ADAMTS18: variants seen among roughly 807,000 people sequenced by gnomAD.
ADAMTS18 encodes the protein ADAM metallopeptidase with thrombospondin type 1 motif 18.
Under a neutral mutation model 165.9 loss-of-function variants are expected in ADAMTS18, and 157 were observed. That is an observed-to-expected ratio of 0.95 (90% confidence interval 0.83 to 1.08). The LOEUF (loss-of-function observed/expected upper bound fraction) is 1.08. ADAMTS18 is among the 50% of genes least tolerant of loss of function. ADAMTS18 has a pLI of 0.00. For synonymous variants in ADAMTS18, 782 were observed against 578.2 expected, an observed-to-expected ratio of 1.35 and a Z score of -5.06; for missense variants, 2,040 against 1,534.0, an observed-to-expected ratio of 1.33 and a Z score of -5.51.
chr16:77,390,689 C>CA (rs149079892), intron 3 of ADAMTS18, among the ~76,000 whole-genome samples: 27,206 of 142,436 alleles, frequency 0.19, 3,043 homozygotes, highest in Non-Finnish European at 0.27. Context: ...GACTCCATCT[C>CA]AAAAAAAAAG....
intron 10 of ADAMTS18, among the ~76,000 whole-genome samples, chr16:77,352,579 G>A (rs1156520519): frequency 6.6e-6 from 1 of 152,122 alleles, no homozygotes; most frequent in East Asian, 1.9e-4. Flanking sequence ...CCTTATGTGG[G>A]GCACAGGCTC....
At chr16:77,319,518 T>C (rs992773335) in intron 16 of ADAMTS18, among the ~76,000 whole-genome samples, 1 of 152,192 alleles carries the variant, frequency 6.6e-6, no homozygotes, top group Non-Finnish European at 1.5e-5. Context: ...CTTGGCTCAC[T>C]GCAACTTCCG....
intron 16 of ADAMTS18, among the ~76,000 whole-genome samples, chr16:77,311,173 T>C (rs1186753468): frequency 1.3e-5 from 2 of 152,160 alleles, no homozygotes; most frequent in Non-Finnish European, 2.9e-5. Flanking sequence ...TCTGCTGAAT[T>C]TTACATCATC....
chr16:77,309,170 C>A (rs541383186), intron 16 of ADAMTS18, among the ~76,000 whole-genome samples: 1 of 151,114 alleles, frequency 6.6e-6, no homozygotes, highest in East Asian at 1.9e-4. Flanking sequence ...TATGTGACTG[C>A]TAAATCAATA....
chr16:77,318,056 A>G (rs1407326778), intron 16 of ADAMTS18, among the ~76,000 whole-genome samples: 2 of 152,232 alleles, frequency 1.3e-5, no homozygotes, highest in African/African-American at 2.4e-5. Context: ...ATGTGAATTA[A>G]CATATATAAG....
intron 20 of ADAMTS18, among the ~76,000 whole-genome samples, chr16:77,291,828 G>A (rs762813583): frequency 2.6e-5 from 4 of 152,176 alleles, no homozygotes; most frequent in Non-Finnish European, 5.9e-5. Flanking sequence ...CACACTTACA[G>A]GTCCAGGTCT....
rs769604667 is a variant in ADAMTS18, at chr16:77,293,112, G to C, written c.3153C>G (p.Asn1051Lys). ...AAGAAGCGACCCACTGTAGCCGGCT[G>C]TTCTTGGGGCATCGTCCAAGCACAC... ...EGCVLGRCPK[N>K]SRLQWVASSW... The change falls in exon 20 of 23, where the codon AAC becomes AAG. Residue 1051 changes from asparagine (N) to lysine (K), a missense_variant. Transcript: ENST00000282849. 1.9e-6 allele frequency: 3 copies of C among 1,614,052 alleles called. No individual in the cohort carries two copies. The South Asian group carries it at 3.3e-5, about 18-fold the overall frequency.
intron 3 of ADAMTS18, among the ~76,000 whole-genome samples, chr16:77,389,072 G>T (rs565446831): frequency 5.3e-5 from 8 of 152,298 alleles, no homozygotes; most frequent in African/African-American, 1.9e-4. Context: ...GGCCAAGGTT[G>T]GTGGATAGTT....
intron 22 of ADAMTS18, among the ~76,000 whole-genome samples, chr16:77,287,544 C>T (rs976726079): frequency 6.6e-6 from 1 of 152,086 alleles, no homozygotes; most frequent in Non-Finnish European, 1.5e-5. Flanking sequence ...GTGGTGCAAT[C>T]TCGGGTCACT....
chr16:77,391,534 C>T (rs547982907), intron 3 of ADAMTS18, among the ~76,000 whole-genome samples: 20 of 150,654 alleles, frequency 1.3e-4, no homozygotes, highest in African/African-American at 4.9e-4. Context: ...TGAGCTGGAA[C>T]CTGTCAATGT....
intron 10 of ADAMTS18, among the ~76,000 whole-genome samples, chr16:77,351,154 A>C (rs1193984588): frequency 6.6e-6 from 1 of 152,192 alleles, no homozygotes; most frequent in African/African-American, 2.4e-5. Context: ...TCAAGTTATA[A>C]GTAGGTTTAA....
At chr16:77,403,608 T>C (rs1375728148) in intron 3 of ADAMTS18, among the ~76,000 whole-genome samples, 1 of 152,214 alleles carries the variant, frequency 6.6e-6, no homozygotes, top group Non-Finnish European at 1.5e-5. Flanking sequence ...ATAGAGCCTG[T>C]TGATGGCTTA....
At chr16:77,343,392 A>G (rs1040021875) in intron 10 of ADAMTS18, among the ~76,000 whole-genome samples, 1 of 152,186 alleles carries the variant, frequency 6.6e-6, no homozygotes, top group Admixed American at 6.5e-5. Flanking sequence ...GCCCTTTCAA[A>G]TATCTACTTC....
chr16:77,385,496 T>C (rs1173836051), intron 3 of ADAMTS18, among the ~76,000 whole-genome samples: 1 of 152,208 alleles, frequency 6.6e-6, no homozygotes, highest in Non-Finnish European at 1.5e-5. Flanking sequence ...CCAAGGCTGC[T>C]GGCTTGCTGA....
At chr16:77,338,346 G>C (rs935351475) in intron 11 of ADAMTS18, among the ~76,000 whole-genome samples, 4 of 151,932 alleles carry the variant, frequency 2.6e-5, no homozygotes, top group Admixed American at 2.6e-4. Flanking sequence ...AGTAATTCTT[G>C]GGCCTCAGCT....
intron 12 of ADAMTS18, among the ~76,000 whole-genome samples, chr16:77,332,390 G>T (rs945964328): frequency 6.6e-6 from 1 of 152,124 alleles, no homozygotes; most frequent in Non-Finnish European, 1.5e-5. Context: ...TTGGGATGAG[G>T]ATGATGAAAA....
At chr16:77,426,995 C>T (rs747868637) in intron 3 of ADAMTS18, among the ~76,000 whole-genome samples, 1 of 152,140 alleles carries the variant, frequency 6.6e-6, no homozygotes, top group Admixed American at 6.5e-5. Context: ...GCCCAGATGA[C>T]AGAGTAAGAC....
intron 10 of ADAMTS18, among the ~76,000 whole-genome samples, chr16:77,343,899 T>C (rs1236151372): frequency 6.6e-6 from 1 of 152,082 alleles, no homozygotes; most frequent in Non-Finnish European, 1.5e-5. Context: ...GGAGAAAATA[T>C]AAGCAACCAG....
At chr16:77,376,429 G>C (rs1035273589) in intron 3 of ADAMTS18, among the ~76,000 whole-genome samples, 12 of 152,132 alleles carry the variant, frequency 7.9e-5, no homozygotes, top group Non-Finnish European at 1.3e-4. Context: ...CAGGCCCCAA[G>C]TCCACTTAGA....
Sources: gnomAD v4.1 joint callset for allele counts (sites outside exome capture counted in the v4.1 genomes callset) on GRCh38, gnomAD v4.1.1 for gene constraint, MANE v1.5 for transcripts, NCBI Gene and HGNC (gene_info 2026-07-23, HGNC 2026-07-21) for gene names.